The following MIER3 variants were observed in gnomAD, a reference collection of about 807,000 sequenced individuals.
MIER3 encodes the protein mesoderm induction early response protein 3.
In MIER3, 9 loss-of-function variants were observed where a neutral mutation model predicts 63.2. That is an observed-to-expected ratio of 0.14 (90% CI 0.09 to 0.25). The LOEUF (loss-of-function observed/expected upper bound fraction) is 0.25, where lower values mean the gene tolerates loss of function less well. MIER3 is among the 10% of genes least tolerant of loss of function. MIER3 has a pLI of 1.00. For missense variants in MIER3, 512 were observed against 666.2 expected, an observed-to-expected ratio of 0.77 and a Z score of 2.55; for synonymous variants, 205 against 224.9, an observed-to-expected ratio of 0.91 and a Z score of 0.79.
intron 3 of MIER3, among the ~76,000 whole-genome samples, chr5:56,939,706 T>C (rs1415647799): frequency 6.6e-6 from 1 of 152,210 alleles, no homozygotes; most frequent in Non-Finnish European, 1.5e-5. Flanking sequence ...GTGCTGCCTA[T>C]GTTATGAATA....
chr5:56,929,005 A>ACT lies in MIER3; in HGVS notation c.830-146_830-145dup, dbSNP rs1554041077. 1,546 of 510,486 alleles carry ACT rather than the reference A, an allele frequency of 3.0e-3. 4 individuals are homozygous for ACT. Among genetic ancestry groups the ACT allele is most frequent in the Admixed American group, 5.5e-3 (161 of 29,330 alleles). 31.6% of individuals were successfully genotyped at this position (510,486 alleles called of 1,614,324 possible). The stretch of plus-strand genomic sequence containing the variant: ...CACTCTCTCTCTCACACACACACAC[A>ACT]CTCTCTCTCTCTCTCTCTCTCTGTA... On this transcript the variant is annotated intron_variant, in intron 9 of 12. Transcript: ENST00000381199.
intron 4 of MIER3, 73 bp downstream of exon 4, chr5:56,938,810 A>G (rs1750541071): frequency 2.0e-6 from 3 of 1,514,310 alleles, no homozygotes; most frequent in African/African-American, 1.4e-5. Context: ...ATTATTAAAT[A>G]ATACTTTAAA....
In MIER3 at chr5:56,947,014, T is replaced by C; in HGVS notation, c.92A>G (p.His31Arg). The change falls in exon 3 of 13, where the codon CAT becomes CGT. Residue 31 changes from histidine to arginine, a missense_variant. By Grantham distance (29) the His-to-Arg change is conservative. Around this residue, in one of 5 missense-constraint regions of MIER3, gnomAD observed 98 missense variants for 107.4 expected, o/e 0.91. Coordinates refer to ENST00000381199, the MANE Select transcript of MIER3 (RefSeq NM_001297599.2). ...AAGAGTTCTTTCATCATCATAGTCA[T>C]GGACCAACATCTCAGCAGTGGGGTC... ...DFDPTAEMLVHDYDDERTLEE... is the reference protein window; with the variant it reads ...DFDPTAEMLVRDYDDERTLEE... The C allele has an allele frequency of 1.9e-6, 3 of 1,610,642 alleles. No homozygotes were observed. Among genetic ancestry groups the C allele is most frequent in the Non-Finnish European group, 2.5e-6 (3 of 1,178,890 alleles).
chr5:56,944,851 C>T (rs762994146), intron 3 of MIER3, among the ~76,000 whole-genome samples: 20 of 152,094 alleles, frequency 1.3e-4, no homozygotes, highest in Non-Finnish European at 2.4e-4. Flanking sequence ...TGCACCATCA[C>T]ACCCAGCTAA....
chr5:56,950,741 G>A lies in MIER3; in HGVS notation c.10-89C>T, dbSNP rs867927786. The A allele has an allele frequency of 5.4e-6, 8 of 1,470,870 alleles. No individual in the cohort carries two copies. In the Admixed American group the frequency reaches 5.4e-5, roughly 10 times the overall value. The allele number at this position is 1,470,870 out of a possible 1,614,324, so 91.1% of individuals were successfully genotyped here. ...AACAGGGCGCAGAGGAGGCGGAGTC[G>A]AGCGCTCCTCCGCAGCTGCCAAAAG... On this transcript the variant is annotated intron_variant, in intron 1 of 12. Coordinates refer to ENST00000381199, the MANE Select transcript of MIER3 (RefSeq NM_001297599.2).
In MIER3 at chr5:56,928,998, C is replaced by CACACACAA; in HGVS notation, c.830-138_830-137insTTGTGTGT. The CACACACAA allele has an allele frequency of 5.4e-6, 3 of 555,144 alleles. No homozygotes were observed. The South Asian group carries it at 7.4e-5, about 14-fold the overall frequency. 34.4% of individuals were successfully genotyped at this position (555,144 alleles called of 1,614,324 possible). On this transcript the variant is annotated intron_variant, in intron 9 of 12. Transcript: ENST00000381199. ...ACACACACACTCTCTCTCTCACACA[C>CACACACAA]ACACACACTCTCTCTCTCTCTCTCT...
intron 10 of MIER3, 162 bp downstream of exon 10, chr5:56,928,605 G>A (rs1750117908): frequency 2.0e-6 from 1 of 510,300 alleles, no homozygotes; most frequent in Non-Finnish European, 3.5e-6. Flanking sequence ...CCATAAGCAG[G>A]CTGTGGCATC....
intron 2 of MIER3, among the ~76,000 whole-genome samples, chr5:56,950,082 CA>C (rs1277155776): frequency 2.6e-4 from 40 of 152,156 alleles, no homozygotes; most frequent in Non-Finnish European, 4.9e-4. Context: ...CGTCTCAGCT[CA>C]GAAGTCAAAA....
chr5:56,930,824 A>G, intron 8 of MIER3, 79 bp from the exon 9 acceptor site: 4 of 1,148,530 alleles, frequency 3.5e-6, no homozygotes, highest in Admixed American at 3.5e-5. Flanking sequence ...GAGTTTTGAT[A>G]AATATTGGAG....
rs188514411 is a variant in MIER3 at position 56,920,957 on chromosome 5, T to G, written c.*2171A>C. On this transcript the variant is annotated 3_prime_UTR_variant, in exon 13 of 13. Transcript: ENST00000381199. ...CTAGCTGGAATTTATTTTTCTCTCA[T>G]ACCATTTTCTGGATTTTGGTCAAAA... is the stretch of plus-strand genomic sequence containing the variant. 3.3e-4 allele frequency: 51 copies of G among 152,700 alleles called. No individual in the cohort carries two copies. The highest frequency in any genetic ancestry group is 1.2e-3 in the African/African-American group (49 of 41,590). 9.5% of individuals were successfully genotyped at this position (152,700 alleles called of 1,614,324 possible).
chr5:56,938,509 T>C (rs1750531920), intron 4 of MIER3, among the ~76,000 whole-genome samples: 1 of 152,212 alleles, frequency 6.6e-6, no homozygotes, highest in Non-Finnish European at 1.5e-5. Flanking sequence ...ACAGAACTTC[T>C]CTCCAACCAC....
At chr5:56,940,341 AAAC>A (rs1276335861) in intron 3 of MIER3, among the ~76,000 whole-genome samples, 5 of 152,248 alleles carry the variant, frequency 3.3e-5, no homozygotes, top group South Asian at 2.1e-4. Flanking sequence ...TCCGTAAAGC[AAAC>A]AACATGAAAA....
intron 3 of MIER3, among the ~76,000 whole-genome samples, chr5:56,944,488 A>G (rs968297311): frequency 5.3e-5 from 8 of 152,160 alleles, no homozygotes. Flanking sequence ...CTCAAAAAAA[A>G]AAAAAGAAAT....
In MIER3 at chr5:56,938,291, C is replaced by T. The variant is rs191514239; in HGVS notation, c.315+592G>A. ...TGACTTAAAAGTGGGAACAATATAA[C>T]TCACAGGAAGAGGTTCCAAGATGTG... is the stretch of plus-strand genomic sequence containing the variant. On this transcript the variant is annotated intron_variant, in intron 4 of 12. Transcript: ENST00000381199. 7 of 471,198 alleles carry T rather than the reference C, an allele frequency of 1.5e-5. No individual in the cohort carries two copies. The East Asian group carries it at 3.5e-4, about 23-fold the overall frequency. 29.2% of individuals were successfully genotyped at this position (471,198 alleles called of 1,614,324 possible).
chr5:56,947,198 A>G, intron 2 of MIER3, 127 bp from the exon 3 acceptor site: 1 of 901,040 alleles, frequency 1.1e-6, no homozygotes, highest in Non-Finnish European at 1.6e-6. Context: ...TGAATTTACT[A>G]TATAATTTAT....
intron 9 of MIER3, 105 bp from the exon 10 acceptor site, chr5:56,928,966 C>CA (rs1750140073): frequency 1.8e-5 from 7 of 382,838 alleles, no homozygotes; most frequent in Non-Finnish European, 3.7e-5. Context: ...CTCTCTCTCT[C>CA]TCTCACACAC....
At position 56,922,166 on chromosome 5, in the gene MIER3, A is replaced by T. The variant is rs181401896; in HGVS notation, c.*962T>A. ...TGAACTGCAGTGCTACAAACAACTTAAAAGATGTCCCAAAATGTAAACCAT... is the reference window on the plus strand; with the variant it reads ...TGAACTGCAGTGCTACAAACAACTTTAAAGATGTCCCAAAATGTAAACCAT... On this transcript the variant is annotated 3_prime_UTR_variant, in exon 13 of 13. Coordinates refer to ENST00000381199, the MANE Select transcript of MIER3 (RefSeq NM_001297599.2). 6.5e-6 allele frequency: 1 copy of T among 152,780 alleles called. No individual in the cohort carries two copies. Among genetic ancestry groups the T allele is most frequent in the African/African-American group, 2.4e-5 (1 of 41,584 alleles). 9.5% of individuals were successfully genotyped at this position (152,780 alleles called of 1,614,324 possible).
At chr5:56,945,766 G>C (rs187501945) in intron 3 of MIER3, among the ~76,000 whole-genome samples, 5 of 152,212 alleles carry the variant, frequency 3.3e-5, no homozygotes, top group Admixed American at 2.6e-4. Context: ...TCTTGAAAAT[G>C]AACATTAACA....
chr5:56,941,739 T>C (rs1197467396), intron 3 of MIER3, among the ~76,000 whole-genome samples: 1 of 152,066 alleles, frequency 6.6e-6, no homozygotes, highest in African/African-American at 2.4e-5. Flanking sequence ...TATTTCTTCT[T>C]AAAATACTGA....
Sources: gnomAD v4.1 joint callset for allele counts (sites outside exome capture counted in the v4.1 genomes callset) on GRCh38, gnomAD v4.1.1 for gene constraint, gnomAD v4.1.1 regional missense constraint, MANE v1.5 for transcripts, NCBI Gene and HGNC (gene_info 2026-07-23, HGNC 2026-07-21) for gene names.